The following DCDC1 variants were observed in gnomAD, a reference collection of about 807,000 sequenced individuals.
DCDC1 encodes the protein doublecortin domain containing 1, also known as doublecortin domain-containing protein 1.
DCDC1 carries 200 observed loss-of-function variants against 178.3 expected under a neutral mutation model. The observed-to-expected ratio is 1.12, with a 90% CI of 1.00 to 1.26. The LOEUF (loss-of-function observed/expected upper bound fraction) is 1.26, where lower values mean the gene tolerates loss of function less well. Among genes scored for constraint, DCDC1 ranks in the 50% most tolerant of loss-of-function variants. The pLI, the probability that DCDC1 is intolerant of heterozygous loss-of-function variation, is 0.00. For missense variants in DCDC1, 1,983 were observed against 1,749.2 expected (o/e 1.13, Z -2.38); for synonymous variants, 690 against 604.8 (o/e 1.14, Z -2.07).
intron 20 of DCDC1, among the ~76,000 whole-genome samples, chr11:31,041,187 A>G (rs1954426112): frequency 6.6e-6 from 1 of 152,170 alleles, no homozygotes; most frequent in Non-Finnish European, 1.5e-5. Flanking sequence ...GTCCTCATTC[A>G]GGGAGGGCAT....
chr11:31,122,168 G>T (rs1960908337), intron 11 of DCDC1, among the ~76,000 whole-genome samples: 2 of 152,120 alleles, frequency 1.3e-5, no homozygotes, highest in Admixed American at 6.6e-5. Context: ...GTACACTGCG[G>T]CCTTTGCTCC....
chr11:31,074,384 G>A (rs1956746980), intron 18 of DCDC1, among the ~76,000 whole-genome samples: 2 of 152,172 alleles, frequency 1.3e-5, no homozygotes, highest in Non-Finnish European at 2.9e-5. Context: ...TTGCCAATGT[G>A]ATAGTATTAA....
chr11:31,056,645 T>G (rs1393146314), intron 20 of DCDC1, among the ~76,000 whole-genome samples: 1 of 152,156 alleles, frequency 6.6e-6, no homozygotes, highest in Non-Finnish European at 1.5e-5. Context: ...CAAAATTGTA[T>G]GTACCTAATA....
At chr11:31,049,865 C>T (rs1467720040) in intron 20 of DCDC1, among the ~76,000 whole-genome samples, 5 of 152,176 alleles carry the variant, frequency 3.3e-5, no homozygotes, top group Admixed American at 3.3e-4. Flanking sequence ...CTTGCTGGCT[C>T]CCCAAGCAGC....
At chr11:31,051,450 A>G (rs1399980892) in intron 20 of DCDC1, among the ~76,000 whole-genome samples, 1 of 152,228 alleles carries the variant, frequency 6.6e-6, no homozygotes, top group Admixed American at 6.5e-5. Context: ...AGACCTAGAC[A>G]GCTAAATACA....
chr11:31,061,321 CACTT>C (rs979978722), intron 20 of DCDC1, among the ~76,000 whole-genome samples: 3 of 152,228 alleles, frequency 2.0e-5, no homozygotes, highest in African/African-American at 7.2e-5. Flanking sequence ...ACATTCCAGA[CACTT>C]AATGCCAGAA....
intron 1 of DCDC1, among the ~76,000 whole-genome samples, chr11:31,361,268 AG>A (rs1951695388): frequency 6.6e-6 from 1 of 152,198 alleles, no homozygotes; most frequent in African/African-American, 2.4e-5. Context: ...AGATCCATAA[AG>A]ATGGATCCAA....
intron 9 of DCDC1, among the ~76,000 whole-genome samples, chr11:31,166,663 G>GT (rs573189913): frequency 6.2e-4 from 95 of 152,040 alleles, no homozygotes; most frequent in African/African-American, 2.2e-3. Context: ...AAAAGGGAAG[G>GT]GAGAGAAAGA....
intron 21 of DCDC1, among the ~76,000 whole-genome samples, chr11:30,947,927 T>G (rs893693588): frequency 3.9e-5 from 6 of 152,066 alleles, no homozygotes; most frequent in Admixed American, 3.3e-4. Context: ...AGACATTTCC[T>G]TAGAAAACTG....
At chr11:31,345,581 T>C (rs1950771245) in intron 1 of DCDC1, among the ~76,000 whole-genome samples, 1 of 151,496 alleles carries the variant, frequency 6.6e-6, no homozygotes, top group Non-Finnish European at 1.5e-5. Flanking sequence ...TGGGACACTC[T>C]GAAAAGTAAA....
chr11:31,358,461 G>A (rs1271103365), intron 1 of DCDC1, among the ~76,000 whole-genome samples: 3 of 151,458 alleles, frequency 2.0e-5, no homozygotes, highest in Non-Finnish European at 3.0e-5. Flanking sequence ...AGACTTAAAC[G>A]TTAGACCTAA....
chr11:31,094,867 A>T (rs1041409228), intron 15 of DCDC1, among the ~76,000 whole-genome samples: 4 of 152,044 alleles, frequency 2.6e-5, no homozygotes, highest in African/African-American at 7.2e-5. Flanking sequence ...ATAGGTATAC[A>T]CGTGCCATGG....
At position 31,029,969 on chromosome 11, in the gene DCDC1, T is replaced by C. The variant is rs185644648; in HGVS notation, c.2591+34500A>G. Among the ~76,000 whole-genome samples the C allele has an allele frequency of 7.8e-3, 1,193 of 152,238 alleles. 7 individuals carry two copies. The highest frequency in any genetic ancestry group is 0.014 in the Non-Finnish European group (948 of 67,988). ...GGAAGCCCCCCTCCATGTAAGATGA[T>C]AATTTTCATAATATACACAGTTAAA... is the stretch of plus-strand genomic sequence containing the variant. On this transcript the variant is annotated intron_variant, in intron 20 of 38. Coordinates refer to ENST00000684477, the MANE Select transcript of DCDC1 (RefSeq NM_001387274.1).
intron 20 of DCDC1, among the ~76,000 whole-genome samples, chr11:31,046,537 A>G (rs1954852037): frequency 6.6e-6 from 1 of 151,922 alleles, no homozygotes; most frequent in African/African-American, 2.4e-5. Flanking sequence ...GCCAAAGTTA[A>G]ATTCATTGAA....
At chr11:30,939,841 A>C (rs1947516154) in intron 21 of DCDC1, among the ~76,000 whole-genome samples, 1 of 152,048 alleles carries the variant, frequency 6.6e-6, no homozygotes, top group Non-Finnish European at 1.5e-5. Context: ...TATATTCTGA[A>C]ATATTTGTTT....
chr11:31,330,951 G>C (rs1441866995), intron 2 of DCDC1, among the ~76,000 whole-genome samples: 1 of 152,154 alleles, frequency 6.6e-6, no homozygotes, highest in Non-Finnish European at 1.5e-5. Flanking sequence ...TAGCTTGATG[G>C]GGATGCCACT....
At chr11:31,133,775 C>T (rs1008622102) in intron 10 of DCDC1, among the ~76,000 whole-genome samples, 1 of 152,146 alleles carries the variant, frequency 6.6e-6, no homozygotes, top group African/African-American at 2.4e-5. Context: ...ACGAACTCGG[C>T]TCACTGCAAC....
At chr11:30,953,666 C>G (rs1948569658) in intron 20 of DCDC1, among the ~76,000 whole-genome samples, 1 of 152,062 alleles carries the variant, frequency 6.6e-6, no homozygotes, top group Non-Finnish European at 1.5e-5. Context: ...AAGTGTTTTT[C>G]AGTTTGGCAG....
At chr11:30,911,495 G>T in intron 27 of DCDC1, 75 bp from the exon 28 acceptor site, 1 of 1,117,462 alleles carries the variant, frequency 8.9e-7, no homozygotes, top group Non-Finnish European at 1.3e-6. Context: ...ACTTAGCACT[G>T]TGTTGCCTCT....
Sources: gnomAD v4.1 joint callset for allele counts (sites outside exome capture counted in the v4.1 genomes callset) on GRCh38, gnomAD v4.1.1 for gene constraint, MANE v1.5 for transcripts, NCBI Gene and HGNC (gene_info 2026-07-23, HGNC 2026-07-21) for gene names.